The following ZNF678 variants were observed in gnomAD, a reference collection of about 807,000 sequenced individuals.
The protein encoded by ZNF678 is hypothetical protein MGC42493.
ZNF678 carries 5 observed loss-of-function variants against 3.0 expected under a neutral mutation model. The ratio of observed to expected loss-of-function variants is 1.69; its 90% confidence interval spans 0.88 to 3.56. The LOEUF (loss-of-function observed/expected upper bound fraction) is 3.56, where lower values mean the gene tolerates loss of function less well. Among genes scored for constraint, ZNF678 ranks in the 30% most tolerant of loss-of-function variants. The probability of loss-of-function intolerance (pLI) is 0.00; values close to 1 mark genes in which losing one functional copy is unlikely to be tolerated. For synonymous variants in ZNF678, 218 were observed against 199.6 expected (o/e 1.09, Z -0.78); for missense variants, 593 against 605.0 (o/e 0.98, Z 0.21).
Position 227,675,098 on chromosome 1 carries a change from G to A in ZNF678, c.227-2081G>A, listed in dbSNP as rs144153306. Reference sequence around the variant, plus strand: ...TCCCTAAAATTTACATATTGAAGCCGTAACCTGAAGTGTAACAATATTTGG... The same window carrying A: ...TCCCTAAAATTTACATATTGAAGCCATAACCTGAAGTGTAACAATATTTGG... On this transcript the variant is annotated intron_variant, in intron 5 of 5. Transcript: ENST00000608949. Among the ~76,000 whole-genome samples the A allele has an allele frequency of 7.1e-4, 108 of 152,248 alleles. 2 individuals are homozygous for A. Among genetic ancestry groups the A allele is most frequent in the African/African-American group, 2.2e-3 (92 of 41,534 alleles).
At chr1:227,607,791 T>G (rs1415087507) in intron 1 of ZNF678, among the ~76,000 whole-genome samples, 1 of 146,878 alleles carries the variant, frequency 6.8e-6, no homozygotes, top group Non-Finnish European at 1.5e-5. Context: ...ATTTATAATA[T>G]ATGCTATATT....
intron 1 of ZNF678, among the ~76,000 whole-genome samples, chr1:227,596,870 TAATAAA>T (rs912530893): frequency 6.6e-6 from 1 of 152,166 alleles, no homozygotes; most frequent in African/African-American, 2.4e-5. Flanking sequence ...CTATTTTACT[TAATAAA>T]AATGAAAAAA....
At chr1:227,671,452 G>T (rs1260156846) in intron 5 of ZNF678, among the ~76,000 whole-genome samples, 1 of 151,992 alleles carries the variant, frequency 6.6e-6, no homozygotes, top group Admixed American at 6.6e-5. Context: ...GACCAATAGG[G>T]CTGAATTTTT....
At chr1:227,593,053 A>T (rs1389602900) in intron 1 of ZNF678, among the ~76,000 whole-genome samples, 1 of 152,250 alleles carries the variant, frequency 6.6e-6, no homozygotes. Flanking sequence ...CGGAAGCTGG[A>T]TGGCCCTTGG....
intron 5 of ZNF678, among the ~76,000 whole-genome samples, chr1:227,674,037 G>A (rs552338127): frequency 1.6e-4 from 24 of 152,274 alleles, no homozygotes; most frequent in African/African-American, 5.5e-4. Context: ...GCACACCACC[G>A]AGGTGGCTGC....
chr1:227,598,622 C>G, intron 1 of ZNF678: 2 of 580,658 alleles, frequency 3.4e-6, no homozygotes, highest in South Asian at 1.9e-5. Context: ...AAGAATTTAT[C>G]GTTCTCTTTT....
chr1:227,634,591 G>A (rs1258646150), intron 1 of ZNF678, among the ~76,000 whole-genome samples: 2 of 152,176 alleles, frequency 1.3e-5, no homozygotes, highest in Non-Finnish European at 2.9e-5. Flanking sequence ...ACTCTCCATG[G>A]TCTGTGATCG....
intron 1 of ZNF678, among the ~76,000 whole-genome samples, chr1:227,617,989 A>G (rs534551779): frequency 6.6e-6 from 1 of 152,300 alleles, no homozygotes; most frequent in Non-Finnish European, 1.5e-5. Context: ...TGGACACAGC[A>G]GAATAAATGT....
At chr1:227,635,904 T>C (rs1163903504) in intron 1 of ZNF678, among the ~76,000 whole-genome samples, 1 of 152,120 alleles carries the variant, frequency 6.6e-6, no homozygotes, top group Non-Finnish European at 1.5e-5. Flanking sequence ...CCTGTCTATT[T>C]GGTTATAGAA....
intron 1 of ZNF678, among the ~76,000 whole-genome samples, chr1:227,635,474 A>G (rs1196826246): frequency 6.6e-5 from 10 of 151,780 alleles, no homozygotes; most frequent in Non-Finnish European, 1.3e-4. Flanking sequence ...GCCAAAACAC[A>G]GATGACCTCC....
intron 1 of ZNF678, among the ~76,000 whole-genome samples, chr1:227,574,473 T>C (rs1439493017): frequency 6.6e-6 from 1 of 152,186 alleles, no homozygotes; most frequent in African/African-American, 2.4e-5. Context: ...TGTTTTCTTT[T>C]GAAAAGCGTC....
At chr1:227,676,730 T>C (rs917254251) in intron 5 of ZNF678, among the ~76,000 whole-genome samples, 1 of 146,698 alleles carries the variant, frequency 6.8e-6, no homozygotes, top group African/African-American at 2.5e-5. Flanking sequence ...GTCCATGTGT[T>C]CTCATTGTTC....
At chr1:227,669,479 A>G (rs1057113843) in intron 5 of ZNF678, among the ~76,000 whole-genome samples, 1 of 151,574 alleles carries the variant, frequency 6.6e-6, no homozygotes. Flanking sequence ...TACTAAAAAT[A>G]TATATATATC....
At chr1:227,641,601 A>G (rs1203248772) in intron 1 of ZNF678, among the ~76,000 whole-genome samples, 2 of 152,182 alleles carry the variant, frequency 1.3e-5, no homozygotes, top group Non-Finnish European at 2.9e-5. Context: ...ATATAAACAT[A>G]TGTTACCCAC....
At chr1:227,676,300 A>G (rs184831626) in intron 5 of ZNF678, among the ~76,000 whole-genome samples, 341 of 152,290 alleles carry the variant, frequency 2.2e-3, no homozygotes, top group Non-Finnish European at 3.8e-3. Context: ...ACTCACCCTT[A>G]AACTAGGAGT....
chr1:227,609,487 C>T (rs1224065838), intron 1 of ZNF678, among the ~76,000 whole-genome samples: 1 of 152,174 alleles, frequency 6.6e-6, no homozygotes. Context: ...TCCTCCAATT[C>T]TCCACCCTCC....
chr1:227,630,567 G>C (rs1350744248), intron 1 of ZNF678, among the ~76,000 whole-genome samples: 1 of 152,192 alleles, frequency 6.6e-6, no homozygotes, highest in Admixed American at 6.5e-5. Context: ...TAAAACATCA[G>C]TATAGCCATC....
At chr1:227,617,951 C>T (rs1329604567) in intron 1 of ZNF678, among the ~76,000 whole-genome samples, 1 of 152,126 alleles carries the variant, frequency 6.6e-6, no homozygotes, top group Non-Finnish European at 1.5e-5. Context: ...AACAAAGTGG[C>T]CATGGTCTCT....
At chr1:227,573,639 T>C (rs1448279466) in intron 1 of ZNF678, among the ~76,000 whole-genome samples, 4 of 152,240 alleles carry the variant, frequency 2.6e-5, no homozygotes, top group Non-Finnish European at 4.4e-5. Flanking sequence ...TTAATACAAA[T>C]GTTAGCACTC....
Sources: gnomAD v4.1 joint callset for allele counts (sites outside exome capture counted in the v4.1 genomes callset) on GRCh38, gnomAD v4.1.1 for gene constraint, MANE v1.5 for transcripts, NCBI Gene and HGNC (gene_info 2026-07-23, HGNC 2026-07-21) for gene names.